CFAP20DC: variants seen among roughly 807,000 people sequenced by gnomAD.
CFAP20DC encodes protein CFAP20DC.
A neutral mutation model predicts 101.7 loss-of-function variants in CFAP20DC; 84 were observed. The ratio of observed to expected loss-of-function variants is 0.83; its 90% CI spans 0.69 to 0.99. CFAP20DC has a LOEUF of 0.99. Among genes scored for constraint, CFAP20DC ranks in the 50% least tolerant of loss-of-function variants. CFAP20DC has a pLI of 0.00. For missense variants in CFAP20DC, 1,007 were observed against 970.3 expected (o/e 1.04, Z -0.50); for synonymous variants, 359 against 351.2 (o/e 1.02, Z -0.25).
intron 4 of CFAP20DC, among the ~76,000 whole-genome samples, chr3:59,028,545 G>C (rs941062231): frequency 6.6e-6 from 1 of 152,116 alleles, no homozygotes; most frequent in Non-Finnish European, 1.5e-5. Flanking sequence ...TACTACTTAT[G>C]CATATATGTA....
chr3:58,930,332 A>G (rs1045984570), intron 5 of CFAP20DC, among the ~76,000 whole-genome samples: 2 of 152,144 alleles, frequency 1.3e-5, no homozygotes, highest in African/African-American at 4.8e-5. Context: ...CACTGCAAAT[A>G]TTACTATCAG....
intron 4 of CFAP20DC, among the ~76,000 whole-genome samples, chr3:58,958,900 T>C (rs1480823471): frequency 2.0e-5 from 3 of 151,900 alleles, no homozygotes; most frequent in East Asian, 3.9e-4. Context: ...TTTTCACCAG[T>C]CTGTGGTTTG....
In CFAP20DC at chr3:58,717,701, G is replaced by A. The variant is rs542155453; in HGVS notation, c.198-73C>T. The A allele has an allele frequency of 5.0e-6, 2 of 399,060 alleles. No homozygotes were observed. Among genetic ancestry groups the A allele is most frequent in the African/African-American group, 4.3e-5 (2 of 47,054 alleles). 24.7% of individuals were successfully genotyped at this position (399,060 alleles called of 1,614,324 possible). A position where few individuals can be genotyped will look rare whatever the true frequency, so the allele number is the denominator to read the frequency against. ...GGTACATGCCTTTTATTCTGGGTCT[G>A]TCCATTGTTATCAGGAAAACAATGC... is the stretch of plus-strand genomic sequence containing the variant. On this transcript the variant is annotated intron_variant, in intron 3 of 3. Transcript: ENST00000486145. This position sits in a 1 kb window ranked among gnomAD's most constrained non-coding sequence, Gnocchi z 4.1.
rs370080197 is a variant in CFAP20DC, at chr3:58,864,633, C to T, written c.1259-741G>A. On this transcript the variant is annotated intron_variant, in intron 11 of 16. Coordinates refer to ENST00000482387, the MANE Select transcript of CFAP20DC (RefSeq NM_001394063.1). The surrounding 1 kb of genome is among the most constrained non-coding windows in gnomAD (Gnocchi z 4.7). Reference sequence around the variant, plus strand: ...TTAACCAGCTTCTTTAAAAAAATATCTGGTCTTAATTCAGATTACAAATCA... The same window carrying T: ...TTAACCAGCTTCTTTAAAAAAATATTTGGTCTTAATTCAGATTACAAATCA... Among the ~76,000 whole-genome samples the T allele has an allele frequency of 1.1e-3, 174 of 152,278 alleles. No individual in the cohort carries two copies. The highest frequency in any genetic ancestry group is 3.9e-3 in the African/African-American group (161 of 41,564).
intron 6 of CFAP20DC, among the ~76,000 whole-genome samples, chr3:58,895,257 C>A (rs1275387234): frequency 6.6e-6 from 1 of 152,200 alleles, no homozygotes; most frequent in Non-Finnish European, 1.5e-5. Flanking sequence ...CATTGTCAGG[C>A]TGCAACTTTT....
At position 58,969,371 on chromosome 3, in the gene CFAP20DC, T is replaced by C. The variant is rs761919620; in HGVS notation, c.279-31609A>G. Among the ~76,000 whole-genome samples, 8 of 152,146 alleles carry C rather than the reference T, an allele frequency of 5.3e-5. No homozygotes were observed. The South Asian group carries it at 1.0e-3, about 20-fold the overall frequency. ...TGATGAGGATGTGGAGAAATGAGAA[T>C]CCTCATCATTGCTGATGGGAATATT... On this transcript the variant is annotated intron_variant, in intron 4 of 16. Coordinates refer to ENST00000482387, the MANE Select transcript of CFAP20DC (RefSeq NM_001394063.1).
chr3:58,953,864 C>T (rs1223076753), intron 4 of CFAP20DC: 1 of 152,130 alleles, frequency 6.6e-6, no homozygotes, highest in East Asian at 1.9e-4. Context: ...CATTACTCCT[C>T]TTGTACTTAA....
intron 4 of CFAP20DC, among the ~76,000 whole-genome samples, chr3:58,954,764 T>C (rs1269419216): frequency 1.3e-5 from 2 of 152,186 alleles, no homozygotes; most frequent in African/African-American, 2.4e-5. Context: ...GACACTTTAG[T>C]GTGCTTATTA....
At chr3:58,990,907 T>A (rs190323528) in intron 4 of CFAP20DC, among the ~76,000 whole-genome samples, 2 of 152,278 alleles carry the variant, frequency 1.3e-5, no homozygotes, top group Non-Finnish European at 2.9e-5. Flanking sequence ...ACACTCACTT[T>A]GTTATTTTTT....
At chr3:58,781,975 A>G (rs1334425258) in intron 15 of CFAP20DC, among the ~76,000 whole-genome samples, 1 of 152,088 alleles carries the variant, frequency 6.6e-6, no homozygotes, top group Non-Finnish European at 1.5e-5. Flanking sequence ...CAACAAAGAT[A>G]AGAAAACTAG....
chr3:58,813,478 C>G (rs1228022897), intron 14 of CFAP20DC, among the ~76,000 whole-genome samples: 1 of 151,930 alleles, frequency 6.6e-6, no homozygotes, highest in Non-Finnish European at 1.5e-5. Flanking sequence ...TTAGCTACTT[C>G]CAAACCCAGT....
Position 58,868,646 on chromosome 3 carries a change from T to C in CFAP20DC, c.1015+682A>G, listed in dbSNP as rs754609898. Among the ~76,000 whole-genome samples the C allele has an allele frequency of 1.3e-5, 2 of 152,186 alleles. No homozygotes were observed. Among genetic ancestry groups the C allele is most frequent in the Non-Finnish European group, 2.9e-5 (2 of 68,016 alleles). On this transcript the variant is annotated intron_variant, in intron 9 of 16. Transcript: ENST00000482387. This position sits in a 1 kb window ranked among gnomAD's most constrained non-coding sequence, Gnocchi z 4.6. ...GCAGCTAGGGCTGGATTTCTATCTA[T>C]CCATTTCCTTATTTCAGTTTCATAC...
intron 15 of CFAP20DC, chr3:58,794,135 C>T (rs1288178836): frequency 9.4e-6 from 3 of 318,378 alleles, no homozygotes; most frequent in African/African-American, 2.2e-5. Flanking sequence ...TCAAAGGTCA[C>T]TACTGTTGTT....
intron 3 of CFAP20DC, among the ~76,000 whole-genome samples, chr3:58,734,129 A>G (rs1212535741): frequency 6.7e-6 from 1 of 148,196 alleles, no homozygotes; most frequent in Non-Finnish European, 1.5e-5. Context: ...ATCCACATTC[A>G]CTCTCTCTCT....
intron 6 of CFAP20DC, among the ~76,000 whole-genome samples, chr3:58,891,207 G>A (rs1430976496): frequency 3.0e-4 from 46 of 152,102 alleles, no homozygotes; most frequent in Non-Finnish European, 5.0e-4. Context: ...CGGATCACTC[G>A]CGGTTAGGGG....
chr3:58,903,572 C>A (rs146771072), intron 6 of CFAP20DC, among the ~76,000 whole-genome samples: 157 of 152,298 alleles, frequency 1.0e-3, no homozygotes, highest in African/African-American at 3.5e-3. Flanking sequence ...AACTTACAAT[C>A]ATGGTGGAAG....
chr3:58,964,753 C>T lies in CFAP20DC; in HGVS notation c.279-26991G>A, dbSNP rs892643812. Among the ~76,000 whole-genome samples the T allele has an allele frequency of 3.3e-5, 5 of 152,084 alleles. No homozygotes were observed. Among genetic ancestry groups the T allele is most frequent in the African/African-American group, 9.7e-5 (4 of 41,404 alleles). On this transcript the variant is annotated intron_variant, in intron 4 of 16. Transcript: ENST00000482387. The surrounding 1 kb of genome is among the most constrained non-coding windows in gnomAD (Gnocchi z 4.1). ...ATGACAAAATATTTCTAACCTAAAACGGAACCATAATTAACATAGCTCCTA... is the reference window on the plus strand; with the variant it reads ...ATGACAAAATATTTCTAACCTAAAATGGAACCATAATTAACATAGCTCCTA...
At chr3:58,992,124 G>A (rs1165757619) in intron 4 of CFAP20DC, among the ~76,000 whole-genome samples, 2 of 152,272 alleles carry the variant, frequency 1.3e-5, no homozygotes, top group African/African-American at 4.8e-5. Context: ...GAGGTTAAAT[G>A]ACATGCCTAG....
intron 14 of CFAP20DC, among the ~76,000 whole-genome samples, chr3:58,808,712 C>G (rs1393536658): frequency 1.3e-5 from 2 of 152,150 alleles, no homozygotes; most frequent in Non-Finnish European, 2.9e-5. Context: ...TCACACATAA[C>G]TATATTAACC....
Sources: allele counts gnomAD v4.1 joint callset (sites outside exome capture counted in the v4.1 genomes callset), GRCh38; gene constraint gnomAD v4.1.1; non-coding constraint Gnocchi (gnomAD v3.1); transcripts MANE v1.5; gene names NCBI Gene and HGNC (gene_info 2026-07-23, HGNC 2026-07-21).